ARSI: variants seen among roughly 807,000 people sequenced by gnomAD.
ARSI encodes arylsulfatase family member I.
ARSI carries 37 observed loss-of-function variants against 42.1 expected under a neutral mutation model. The observed-to-expected ratio is 0.88, with a 90% confidence interval of 0.68 to 1.16. ARSI has a LOEUF of 1.16. Among genes scored for constraint, ARSI ranks in the 50% most tolerant of loss-of-function variants. ARSI has a pLI of 0.00. For synonymous variants in ARSI, 305 were observed against 320.3 expected, an observed-to-expected ratio of 0.95 and a Z score of 0.51; for missense variants, 725 against 790.1, an observed-to-expected ratio of 0.92 and a Z score of 0.99.
rs1384037854 is a variant in ARSI, at chr5:150,297,400, G to T, written c.1524C>A (p.Asn508Lys). ...TAIPVRYPAE[N>K]PRAHPDFNGG... ...CATTAAAGTCAGGATGAGCCCGGGG[G>T]TTCTCAGCTGGGTAGCGTACCGGGA... is the stretch of plus-strand genomic sequence containing the variant. The change falls in exon 2 of 2, where the codon AAC becomes AAA. Residue 508 changes from asparagine (N) to lysine (K), a missense_variant. Asn to Lys is a moderately conservative substitution (Grantham distance 94). Transcript: ENST00000328668. The surrounding 1 kb of genome is among the most constrained non-coding windows in gnomAD (Gnocchi z 7.0). The T allele has an allele frequency of 1.2e-6, 2 of 1,608,806 alleles. No individual in the cohort carries two copies. Among genetic ancestry groups the T allele is most frequent in the East Asian group, 2.2e-5 (1 of 44,856 alleles).
In ARSI at chr5:150,302,297, C is replaced by A; in HGVS notation, c.77G>T (p.Ser26Ile). 1.9e-6 allele frequency: 3 copies of A among 1,601,840 alleles called. No individual in the cohort carries two copies. The highest frequency in any genetic ancestry group is 2.6e-6 in the Non-Finnish European group (3 of 1,175,108). ...GYLSWDWAKP[S>I]FVADGPGEAG... ...CTCCCCGGGCCCGTCGGCCACGAAGCTCGGCTTGGCCCAGTCCCAGGACAG... is the reference window on the plus strand; with the variant it reads ...CTCCCCGGGCCCGTCGGCCACGAAGATCGGCTTGGCCCAGTCCCAGGACAG... The change falls in exon 1 of 2, where the codon AGC becomes ATC. Residue 26 changes from serine (S) to isoleucine (I), a missense_variant. Coordinates refer to ENST00000328668, the MANE Select transcript of ARSI (RefSeq NM_001012301.4). This position sits in a 1 kb window ranked among gnomAD's most constrained non-coding sequence, Gnocchi z 6.1.
At position 150,297,415 on chromosome 5, in the gene ARSI, G is replaced by C. The variant is rs1757825246; in HGVS notation, c.1509C>G (p.Arg503=). Residue 503 remains arginine (R), a synonymous_variant, in exon 2 of 2, where the codon CGC becomes CGG. Transcript: ENST00000328668. The surrounding 1 kb of genome is among the most constrained non-coding windows in gnomAD (Gnocchi z 7.0). The stretch of plus-strand genomic sequence containing the variant: ...GAGCCCGGGGGTTCTCAGCTGGGTA[G>C]CGTACCGGGATGGCTGTGCGGTTAT... ...AEYNRTAIPV[R]YPAENPRAHP... The C allele has an allele frequency of 6.2e-7, 1 of 1,608,658 alleles. No individual in the cohort carries two copies. The highest frequency in any genetic ancestry group is 8.5e-7 in the Non-Finnish European group (1 of 1,177,174).
In ARSI at chr5:150,298,543, G is replaced by A. The variant is rs141802155; in HGVS notation, c.381C>T (p.Asp127=). The A allele has an allele frequency of 1.3e-4, 214 of 1,614,010 alleles. 2 individuals carry two copies. The Middle Eastern group carries it at 1.6e-3, about 12-fold the overall frequency. Residue 127 remains aspartate (D), a synonymous_variant, in exon 2 of 2, where the codon GAC becomes GAT. Transcript: ENST00000328668. ...RPQQPNCLPL[D]QVTLPQKLQE... ...GCAGCTTCTGTGGCAGTGTCACCTG[G>A]TCCAGGGGCAGGCAGTTGGGCTGCT... is the stretch of plus-strand genomic sequence containing the variant.
In ARSI at chr5:150,302,589, C is replaced by T. The variant is rs1234831023; in HGVS notation, c.-216G>A. 4 of 386,186 alleles carry T rather than the reference C, an allele frequency of 1.0e-5. No homozygotes were observed. The allele number at this position is 386,186 out of a possible 1,614,324, so 23.9% of individuals were successfully genotyped here. On this transcript the variant is annotated 5_prime_UTR_variant, in exon 1 of 2. Coordinates refer to ENST00000328668, the MANE Select transcript of ARSI (RefSeq NM_001012301.4). This position sits in a 1 kb window ranked among gnomAD's most constrained non-coding sequence, Gnocchi z 6.1. ...CGCTCTGGGGAGGTCAGGCCCGCGC[C>T]GAGCTGCCTCCCGCTGCCTAAGCGC...
rs776305765 is a variant in ARSI at position 150,297,706 on chromosome 5, G to T, written c.1218C>A (p.Gly406=). Reference sequence around the variant, plus strand: ...CGGCGGTGTTCCAGATGCCAAAGCCGCCCTCCAGGGAGCCATGCTGGGCAT... The same window carrying T: ...CGGCGGTGTTCCAGATGCCAAAGCCTCCCTCCAGGGAGCCATGCTGGGCAT... ...YNHAQHGSLE[G]GFGIWNTAVQ... is the part of the protein sequence containing the mutation. Residue 406 remains glycine (G), a synonymous_variant, in exon 2 of 2, where the codon GGC becomes GGA. Transcript: ENST00000328668. The surrounding 1 kb of genome is among the most constrained non-coding windows in gnomAD (Gnocchi z 7.0). 3.3e-5 allele frequency: 54 copies of T among 1,613,234 alleles called. No homozygotes were observed. Among genetic ancestry groups the T allele is most frequent in the East Asian group, 4.5e-5 (2 of 44,890 alleles).
In ARSI at chr5:150,297,347, T is replaced by C. The variant is rs773553346; in HGVS notation, c.1577A>G (p.Asp526Gly). 6.2e-7 allele frequency: 1 copy of C among 1,613,656 alleles called. No individual in the cohort carries two copies. Among genetic ancestry groups the C allele is most frequent in the African/African-American group, 1.3e-5 (1 of 75,040 alleles). Reference protein sequence around the residue: ...NGGAWGPWASDEEEEEEEGRA... With the variant: ...NGGAWGPWASGEEEEEEEGRA... ...CCCTTCCTCTTCCTCCTCTTCCTCA[T>C]CACTGGCCCAGGGCCCCCAAGCACC... Residue 526 changes from aspartate (D) to glycine (G), a missense_variant, in exon 2 of 2, where the codon GAT becomes GGT. By Grantham distance (94) the Asp-to-Gly change is moderately conservative. Transcript: ENST00000328668. The surrounding 1 kb of genome is among the most constrained non-coding windows in gnomAD (Gnocchi z 7.0).
In ARSI at chr5:150,298,033, G is replaced by T; in HGVS notation, c.891C>A (p.Asp297Glu). ...CCCCCGAGAAAGTCTGGCCACCATT[G>T]TCACTGGAGAAGATGATGACACTGT... ...YNNSVIIFSSDNGGQTFSGGS... is the reference protein window; with the variant it reads ...YNNSVIIFSSENGGQTFSGGS... The change falls in exon 2 of 2, where the codon GAC (aspartate) becomes GAA (glutamate). Residue 297 changes from aspartate to glutamate, a missense_variant. Asp to Glu is a conservative substitution (Grantham distance 45). Transcript: ENST00000328668. 6.2e-7 allele frequency: 1 copy of T among 1,612,648 alleles called. No individual in the cohort carries two copies. The highest frequency in any genetic ancestry group is 8.5e-7 in the Non-Finnish European group (1 of 1,179,992).
rs748547949 is a variant in ARSI at position 150,297,333 on chromosome 5, C to T, written c.1591G>A (p.Glu531Lys). 6.2e-7 allele frequency: 1 copy of T among 1,613,804 alleles called. No homozygotes were observed. The highest frequency in any genetic ancestry group is 8.5e-7 in the Non-Finnish European group (1 of 1,179,884). Residue 531 changes from glutamate (E) to lysine (K), a missense_variant, in exon 2 of 2, where the codon GAA becomes AAA. Glu to Lys is a moderately conservative substitution (Grantham distance 56). Transcript: ENST00000328668. This position sits in a 1 kb window ranked among gnomAD's most constrained non-coding sequence, Gnocchi z 7.0. ...GPWASDEEEE[E>K]EEGRARSFSR... Reference sequence around the variant, plus strand: ...AAGCTTCGAGCCCTCCCTTCCTCTTCCTCCTCTTCCTCATCACTGGCCCAG... The same window carrying T: ...AAGCTTCGAGCCCTCCCTTCCTCTTTCTCCTCTTCCTCATCACTGGCCCAG...
chr5:150,297,714 G>C lies in ARSI; in HGVS notation c.1210C>G (p.Leu404Val). 1 of 1,613,322 alleles carries C rather than the reference G, an allele frequency of 6.2e-7. No individual in the cohort carries two copies. Among genetic ancestry groups the C allele is most frequent in the Non-Finnish European group, 8.5e-7 (1 of 1,180,000 alleles). Residue 404 changes from leucine (L) to valine (V), a missense_variant, in exon 2 of 2, where the codon CTG (leucine) becomes GTG (valine). Physicochemically the swap from Leu to Val is conservative, Grantham distance 32 (BLOSUM62 1). Coordinates refer to ENST00000328668, the MANE Select transcript of ARSI (RefSeq NM_001012301.4). The surrounding 1 kb of genome is among the most constrained non-coding windows in gnomAD (Gnocchi z 7.0). ...TTCCAGATGCCAAAGCCGCCCTCCA[G>C]GGAGCCATGCTGGGCATGGTTGTAG... The part of the protein sequence containing the change: ...PLYNHAQHGS[L>V]EGGFGIWNTA...
chr5:150,299,728 G>A (rs1453127789), intron 1 of ARSI, among the ~76,000 whole-genome samples: 1 of 151,944 alleles, frequency 6.6e-6, no homozygotes, highest in African/African-American at 2.4e-5. Context: ...CCCACATGGG[G>A]GCCTCAGTTT....
At chr5:150,301,655 C>T (rs531854219) in intron 1 of ARSI, among the ~76,000 whole-genome samples, 15 of 152,246 alleles carry the variant, frequency 9.9e-5, no homozygotes, top group Non-Finnish European at 1.8e-4. Context: ...CTTTGCCACT[C>T]CTTTTCAAGA....
In ARSI at chr5:150,297,346, A is replaced by G. The variant is rs770082974; in HGVS notation, c.1578T>C (p.Asp526=). 6 of 1,613,398 alleles carry G rather than the reference A, an allele frequency of 3.7e-6. No homozygotes were observed. The highest frequency in any genetic ancestry group is 1.1e-5 in the South Asian group (1 of 90,972). Residue 526 remains aspartate (D), a synonymous_variant, in exon 2 of 2, where the codon GAT becomes GAC. Transcript: ENST00000328668. This position sits in a 1 kb window ranked among gnomAD's most constrained non-coding sequence, Gnocchi z 7.0. ...NGGAWGPWAS[D]EEEEEEEGRA... ...TCCCTTCCTCTTCCTCCTCTTCCTC[A>G]TCACTGGCCCAGGGCCCCCAAGCAC...
Position 150,297,609 on chromosome 5 carries a change from G to A in ARSI, c.1315C>T (p.Pro439Ser), listed in dbSNP as rs1305985943. The change falls in exon 2 of 2, where the codon CCG becomes TCG. Residue 439 changes from proline (P) to serine (S), a missense_variant. Pro to Ser is a moderately conservative substitution (Grantham distance 74). Transcript: ENST00000328668. The surrounding 1 kb of genome is among the most constrained non-coding windows in gnomAD (Gnocchi z 7.0). ...CCCGGGAAGGTGGCCAGTGTCTGCG[G>A]TGGGATCCAATCGCCATAGCCGGGG... ...GDPGYGDWIPPQTLATFPGSW... is the reference protein window; with the variant it reads ...GDPGYGDWIPSQTLATFPGSW... 4 of 1,610,992 alleles carry A rather than the reference G, an allele frequency of 2.5e-6. No homozygotes were observed. The highest frequency in any genetic ancestry group is 1.1e-5 in the South Asian group (1 of 90,796).
Position 150,302,055 on chromosome 5 carries a change from ACGCCTAC to A in ARSI, c.311+1_311+7del. ...ATGCCCAGCCCCGGGGCCTTGAGCC[ACGCCTAC>A]CTGCCAGTGAGGAGCTGGCTCCGCG... On this transcript the variant is annotated splice_donor_variant and splice_donor_5th_base_variant and intron_variant, in intron 1 of 1. Coordinates refer to ENST00000328668, the MANE Select transcript of ARSI (RefSeq NM_001012301.4). LOFTEE classifies it high-confidence loss of function. The surrounding 1 kb of genome is among the most constrained non-coding windows in gnomAD (Gnocchi z 6.1). The A allele has an allele frequency of 6.4e-7, 1 of 1,566,602 alleles. No individual in the cohort carries two copies. Among genetic ancestry groups the A allele is most frequent in the Non-Finnish European group, 8.7e-7 (1 of 1,155,066 alleles).
Position 150,298,367 on chromosome 5 carries a change from G to A in ARSI, c.557C>T (p.Pro186Leu), listed in dbSNP as rs137939810. ...GTGCAGGTCGAAGCCGCACACGCCTGGGCCATCACAGTTGTCATAGGTGTA... is the reference window on the plus strand; with the variant it reads ...GTGCAGGTCGAAGCCGCACACGCCTAGGCCATCACAGTTGTCATAGGTGTA... ...DYYTYDNCDG[P>L]GVCGFDLHEG... Residue 186 changes from proline to leucine, a missense_variant, in exon 2 of 2, where the codon CCA (proline) becomes CTA (leucine). Physicochemically the swap from Pro to Leu is moderately conservative, Grantham distance 98. Coordinates refer to ENST00000328668, the MANE Select transcript of ARSI (RefSeq NM_001012301.4). The A allele has an allele frequency of 1.9e-6, 3 of 1,614,068 alleles. No homozygotes were observed. Among genetic ancestry groups the A allele is most frequent in the Non-Finnish European group, 2.5e-6 (3 of 1,180,038 alleles).
At position 150,297,098 on chromosome 5, in the gene ARSI, T is replaced by C; in HGVS notation, c.*116A>G. ...TCCCTACCCTGTTCAACCAAGGGACTCTACACCCTCCAACTCCCTGTAGAT... is the reference window on the plus strand; with the variant it reads ...TCCCTACCCTGTTCAACCAAGGGACCCTACACCCTCCAACTCCCTGTAGAT... On this transcript the variant is annotated 3_prime_UTR_variant, in exon 2 of 2. Transcript: ENST00000328668. The surrounding 1 kb of genome is among the most constrained non-coding windows in gnomAD (Gnocchi z 7.0). The C allele has an allele frequency of 1.7e-6, 2 of 1,207,482 alleles. No homozygotes were observed. The highest frequency in any genetic ancestry group is 1.2e-6 in the Non-Finnish European group (1 of 861,732). 74.8% of individuals were successfully genotyped at this position (1,207,482 alleles called of 1,614,324 possible). A position where few individuals can be genotyped will look rare whatever the true frequency, so the allele number is the denominator to read the frequency against.
At position 150,298,153 on chromosome 5, in the gene ARSI, A is replaced by G. The variant is rs1180736288; in HGVS notation, c.771T>C (p.Asn257=). The G allele has an allele frequency of 6.2e-7, 1 of 1,614,020 alleles. No homozygotes were observed. The highest frequency in any genetic ancestry group is 1.7e-5 in the Admixed American group (1 of 60,030). ...EYLYRYRTMG[N]VARRKYAAMV... ...TGGCCGCGTACTTCCGCCGGGCCACATTGCCCATGGTGCGGTAGCGGTACA... is the reference window on the plus strand; with the variant it reads ...TGGCCGCGTACTTCCGCCGGGCCACGTTGCCCATGGTGCGGTAGCGGTACA... The change falls in exon 2 of 2, where the codon AAT becomes AAC. Residue 257 remains asparagine (N), a synonymous_variant. Coordinates refer to ENST00000328668, the MANE Select transcript of ARSI (RefSeq NM_001012301.4).
In ARSI at chr5:150,302,292, C is replaced by T. The variant is rs1213403794; in HGVS notation, c.82G>A (p.Val28Met). 5 of 1,603,290 alleles carry T rather than the reference C, an allele frequency of 3.1e-6. No individual in the cohort carries two copies. The highest frequency in any genetic ancestry group is 4.3e-6 in the Non-Finnish European group (5 of 1,175,956). Residue 28 changes from valine (V) to methionine (M), a missense_variant, in exon 1 of 2, where the codon GTG (valine) becomes ATG (methionine). Physicochemically the swap from Val to Met is conservative, Grantham distance 21. Transcript: ENST00000328668. The surrounding 1 kb of genome is among the most constrained non-coding windows in gnomAD (Gnocchi z 6.1). ...LSWDWAKPSFVADGPGEAGEQ... is the reference protein window; with the variant it reads ...LSWDWAKPSFMADGPGEAGEQ... Reference sequence around the variant, plus strand: ...CCAGCCTCCCCGGGCCCGTCGGCCACGAAGCTCGGCTTGGCCCAGTCCCAG... The same window carrying T: ...CCAGCCTCCCCGGGCCCGTCGGCCATGAAGCTCGGCTTGGCCCAGTCCCAG...
Position 150,302,081 on chromosome 5 carries a change from C to T in ARSI, c.293G>A (p.Ser98Asn). 6.3e-7 allele frequency: 1 copy of T among 1,594,356 alleles called. No homozygotes were observed. Among genetic ancestry groups the T allele is most frequent in the South Asian group, 1.1e-5 (1 of 88,042 alleles). ...YIQPICTPSR[S>N]QLLTGRYQIH... ...CGCCTACCTGCCAGTGAGGAGCTGG[C>T]TCCGCGAAGGCGTGCAGATGGGCTG... Residue 98 changes from serine (S) to asparagine (N), a missense_variant, in exon 1 of 2, where the codon AGC (serine) becomes AAC (asparagine). By Grantham distance (46) the Ser-to-Asn change is conservative (BLOSUM62 1). Transcript: ENST00000328668. The surrounding 1 kb of genome is among the most constrained non-coding windows in gnomAD (Gnocchi z 6.1).
Sources: allele counts gnomAD v4.1 joint callset (sites outside exome capture counted in the v4.1 genomes callset), GRCh38; gene constraint gnomAD v4.1.1; non-coding constraint Gnocchi (gnomAD v3.1); transcripts MANE v1.5; gene names NCBI Gene and HGNC (gene_info 2026-07-23, HGNC 2026-07-21).